Variants in CTNNA2 observed in about 807,000 individuals in gnomAD.
CTNNA2 encodes catenin alpha-2.
Under a neutral mutation model 101.0 loss-of-function variants are expected in CTNNA2, and 42 were observed. That is an observed-to-expected ratio of 0.42 (90% CI 0.32 to 0.54). The LOEUF is 0.54. Among genes scored for constraint, CTNNA2 ranks in the 20% least tolerant of loss-of-function variants. The pLI, the probability that CTNNA2 is intolerant of heterozygous loss-of-function variation, is 0.14. For missense variants in CTNNA2, 871 were observed against 1,223.1 expected, an observed-to-expected ratio of 0.71 and a Z score of 4.29; for synonymous variants, 450 against 456.4, an observed-to-expected ratio of 0.99 and a Z score of 0.18.
At chr2:79,471,704 G>T (rs570603622) in intron 4 of CTNNA2, among the ~76,000 whole-genome samples, 77 of 152,176 alleles carry the variant, frequency 5.1e-4, no homozygotes, top group South Asian at 2.1e-3. Context: ...TGGGCATGGT[G>T]GTGGGTGCCT....
intron 7 of CTNNA2, among the ~76,000 whole-genome samples, chr2:79,926,151 G>A (rs569562820): frequency 4.6e-5 from 7 of 152,098 alleles, no homozygotes; most frequent in African/African-American, 1.4e-4. Flanking sequence ...CCCTCTTCAC[G>A]CCTAACCTAA....
At chr2:79,215,358 A>G (rs1572982826) in intron 2 of CTNNA2, among the ~76,000 whole-genome samples, 1 of 151,972 alleles carries the variant, frequency 6.6e-6, no homozygotes, top group South Asian at 2.1e-4. Flanking sequence ...TGTGCTGGAG[A>G]TGTGGCTGGG....
chr2:79,434,722 C>G (rs184185081), intron 4 of CTNNA2, among the ~76,000 whole-genome samples: 117 of 152,248 alleles, frequency 7.7e-4, no homozygotes, highest in African/African-American at 2.6e-3. Context: ...GGGTCTACCT[C>G]TAGTGAGCAC....
intron 3 of CTNNA2, among the ~76,000 whole-genome samples, chr2:79,816,818 A>G (rs1163485365): frequency 1.3e-5 from 2 of 152,118 alleles, no homozygotes; most frequent in Admixed American, 6.5e-5. Flanking sequence ...CCCATTTTGT[A>G]ATGAGAAAAC....
intron 3 of CTNNA2, among the ~76,000 whole-genome samples, chr2:79,349,851 A>T (rs1054649933): frequency 2.0e-5 from 3 of 152,130 alleles, no homozygotes; most frequent in Non-Finnish European, 2.9e-5. Flanking sequence ...TACTCTCAAG[A>T]TATTTTCTTA....
intron 14 of CTNNA2, among the ~76,000 whole-genome samples, chr2:80,585,340 G>A (rs1258331115): frequency 1.3e-5 from 2 of 152,114 alleles, no homozygotes; most frequent in East Asian, 1.9e-4. Flanking sequence ...GTGGTTCAGA[G>A]GAAAGGCTGG....
chr2:79,644,289 C>T (rs763093236), intron 1 of CTNNA2, among the ~76,000 whole-genome samples: 2 of 152,096 alleles, frequency 1.3e-5, no homozygotes, highest in African/African-American at 2.4e-5. Flanking sequence ...CCTCCCAGCT[C>T]GGTCTCCCAA....
intron 4 of CTNNA2, among the ~76,000 whole-genome samples, chr2:79,416,531 A>T (rs979269592): frequency 1.3e-5 from 2 of 151,600 alleles, no homozygotes; most frequent in African/African-American, 4.8e-5. Context: ...ATTGGGCAAA[A>T]CCCCACATTC....
intron 4 of CTNNA2, among the ~76,000 whole-genome samples, chr2:79,458,863 T>C (rs575141708): frequency 6.6e-6 from 1 of 152,270 alleles, no homozygotes; most frequent in South Asian, 2.1e-4. Flanking sequence ...TTCAAAGTGA[T>C]GCTGCCCACT....
intron 1 of CTNNA2, among the ~76,000 whole-genome samples, chr2:79,583,578 G>T (rs1262938859): frequency 1.3e-5 from 2 of 152,040 alleles, no homozygotes; most frequent in African/African-American, 2.4e-5. Context: ...GTTAGTGTAT[G>T]TTTAGCCTTA....
chr2:80,183,397 A>G (rs1183924166), intron 7 of CTNNA2, among the ~76,000 whole-genome samples: 1 of 152,174 alleles, frequency 6.6e-6, no homozygotes, highest in Admixed American at 6.5e-5. Flanking sequence ...TTTACCTCCA[A>G]TCATAGTTGG....
intron 4 of CTNNA2, among the ~76,000 whole-genome samples, chr2:79,461,544 C>T (rs1421519072): frequency 6.6e-6 from 1 of 152,102 alleles, no homozygotes; most frequent in Non-Finnish European, 1.5e-5. Flanking sequence ...TCAGTCCCCA[C>T]CTCATATAAA....
intron 3 of CTNNA2, among the ~76,000 whole-genome samples, chr2:79,371,557 G>A (rs1350801703): frequency 6.6e-6 from 1 of 152,118 alleles, no homozygotes; most frequent in East Asian, 1.9e-4. Flanking sequence ...CTCCGTCACT[G>A]CTAAAGACTT....
chr2:79,493,343 A>G (rs1671222993), intron 4 of CTNNA2, among the ~76,000 whole-genome samples: 1 of 152,102 alleles, frequency 6.6e-6, no homozygotes, highest in African/African-American at 2.4e-5. Context: ...ATATAAAAAT[A>G]TTGGCCGACT....
chr2:80,354,558 G>C (rs1476508198), intron 7 of CTNNA2, among the ~76,000 whole-genome samples: 2 of 152,116 alleles, frequency 1.3e-5, no homozygotes, highest in African/African-American at 4.8e-5. Context: ...AGTGTTGTGA[G>C]GATTGTGAAA....
intron 2 of CTNNA2, among the ~76,000 whole-genome samples, chr2:79,213,751 T>C (rs1282357497): frequency 1.3e-5 from 2 of 151,934 alleles, no homozygotes; most frequent in African/African-American, 2.4e-5. Flanking sequence ...GGAACAATGG[T>C]AATTGTGGGA....
At chr2:79,292,916 C>G (rs979986464) in intron 2 of CTNNA2, 3 of 152,250 alleles carry the variant, frequency 2.0e-5, no homozygotes, top group Non-Finnish European at 4.4e-5. Context: ...TCTTCTAGTT[C>G]AATCACCTTT....
chr2:80,402,541 A>G (rs761779593), intron 8 of CTNNA2, among the ~76,000 whole-genome samples: 2 of 152,118 alleles, frequency 1.3e-5, no homozygotes, highest in Admixed American at 6.6e-5. Context: ...AAGAAATTTC[A>G]GTGGCTTTAG....
At chr2:80,402,520 T>C (rs1678648395) in intron 8 of CTNNA2, among the ~76,000 whole-genome samples, 1 of 152,040 alleles carries the variant, frequency 6.6e-6, no homozygotes, top group Admixed American at 6.6e-5. Flanking sequence ...GAATAAAAGA[T>C]GCTGTCACCC....
Sources: gnomAD v4.1 joint callset for allele counts (sites outside exome capture counted in the v4.1 genomes callset) on GRCh38, gnomAD v4.1.1 for gene constraint, MANE v1.5 for transcripts, NCBI Gene and HGNC (gene_info 2026-07-23, HGNC 2026-07-21) for gene names.